KCNJ3: variants seen among roughly 807,000 people sequenced by gnomAD.
KCNJ3 encodes the protein potassium inwardly rectifying channel subfamily J member 3, also known as G protein-activated inward rectifier potassium channel 1.
KCNJ3 carries 4 observed loss-of-function variants against 39.2 expected under a neutral mutation model. The ratio of observed to expected loss-of-function variants is 0.10; its 90% CI spans 0.05 to 0.23. The LOEUF (loss-of-function observed/expected upper bound fraction) is 0.23, where lower values mean the gene tolerates loss of function less well. Ranked by LOEUF, KCNJ3 falls within the 10% of genes least tolerant of loss-of-function variation. KCNJ3 has a pLI of 1.00. For synonymous variants in KCNJ3, 230 were observed against 237.4 expected (o/e 0.97, Z 0.29); for missense variants, 276 against 634.9 (o/e 0.43, Z 6.08).
intron 1 of KCNJ3, chr2:154,709,345 G>T: frequency 2.0e-6 from 1 of 488,574 alleles, no homozygotes; most frequent in South Asian, 2.3e-5. Context: ...GTTGGACCAG[G>T]CATTTCTCCA....
At chr2:154,828,947 T>C (rs1205546451) in intron 2 of KCNJ3, among the ~76,000 whole-genome samples, 1 of 152,176 alleles carries the variant, frequency 6.6e-6, no homozygotes, top group Non-Finnish European at 1.5e-5. Context: ...ATATAACTGA[T>C]TTTATATAAT....
At chr2:154,833,028 A>ATTGT (rs1687389303) in intron 2 of KCNJ3, among the ~76,000 whole-genome samples, 1 of 152,224 alleles carries the variant, frequency 6.6e-6, no homozygotes, top group Non-Finnish European at 1.5e-5. Context: ...CCTTAAAGGC[A>ATTGT]TTGTTTTTAA....
chr2:154,753,078 G>A (rs946173346), intron 2 of KCNJ3, among the ~76,000 whole-genome samples: 4 of 151,966 alleles, frequency 2.6e-5, no homozygotes, highest in Non-Finnish European at 4.4e-5. Flanking sequence ...CTCTCTTATC[G>A]GATAAGAATT....
intron 2 of KCNJ3, among the ~76,000 whole-genome samples, chr2:154,761,275 C>T (rs1558867169): frequency 6.6e-6 from 1 of 151,966 alleles, no homozygotes; most frequent in Non-Finnish European, 1.5e-5. Flanking sequence ...CCAAGTCTAC[C>T]TTCACAAGTT....
At chr2:154,798,878 G>A (rs1188222154) in intron 2 of KCNJ3, among the ~76,000 whole-genome samples, 1 of 151,884 alleles carries the variant, frequency 6.6e-6, no homozygotes, top group Non-Finnish European at 1.5e-5. Context: ...TGACTGTTAT[G>A]AATAGTACTG....
intron 2 of KCNJ3, among the ~76,000 whole-genome samples, chr2:154,761,715 C>T (rs998595633): frequency 3.9e-5 from 6 of 152,068 alleles, no homozygotes; most frequent in African/African-American, 1.4e-4. Flanking sequence ...ATATGTGAAT[C>T]CCTTTTTTAA....
At chr2:154,817,200 AC>A (rs1475690647) in intron 2 of KCNJ3, among the ~76,000 whole-genome samples, 1 of 152,138 alleles carries the variant, frequency 6.6e-6, no homozygotes, top group Non-Finnish European at 1.5e-5. Flanking sequence ...TCCAATAATA[AC>A]CTGTAGTCTG....
At chr2:154,785,006 TGAG>T (rs1478129492) in intron 2 of KCNJ3, among the ~76,000 whole-genome samples, 1 of 152,164 alleles carries the variant, frequency 6.6e-6, no homozygotes, top group African/African-American at 2.4e-5. Context: ...GATAGCAGTG[TGAG>T]GAGAAGAGGG....
At chr2:154,826,723 A>G (rs1375352550) in intron 2 of KCNJ3, among the ~76,000 whole-genome samples, 1 of 152,048 alleles carries the variant, frequency 6.6e-6, no homozygotes, top group Non-Finnish European at 1.5e-5. Flanking sequence ...GTTACAAAAT[A>G]CCCCACAATG....
chr2:154,761,223 A>AACAGAAGAAGT, intron 2 of KCNJ3, among the ~76,000 whole-genome samples: 1 of 152,000 alleles, frequency 6.6e-6, no homozygotes, highest in East Asian at 1.9e-4. Context: ...AGTTGACTTT[A>AACAGAAGAAGT]ACAGAAGAAG....
At chr2:154,813,956 T>C (rs566980563) in intron 2 of KCNJ3, among the ~76,000 whole-genome samples, 1 of 152,296 alleles carries the variant, frequency 6.6e-6, no homozygotes, top group South Asian at 2.1e-4. Context: ...AGTCACAAGT[T>C]GTAGCCTTTA....
chr2:154,756,375 G>A (rs544138008), intron 2 of KCNJ3, among the ~76,000 whole-genome samples: 1 of 152,222 alleles, frequency 6.6e-6, no homozygotes, highest in South Asian at 2.1e-4. Flanking sequence ...GCCTAATTGT[G>A]ACTCATGTTT....
intron 2 of KCNJ3, among the ~76,000 whole-genome samples, chr2:154,759,656 C>G (rs1418107036): frequency 6.6e-6 from 1 of 151,990 alleles, no homozygotes; most frequent in South Asian, 2.1e-4. Flanking sequence ...TCTTACTTCT[C>G]CCAAGGAAAT....
rs545540309 is a variant in KCNJ3 at position 154,858,282 on chromosome 2, G to C, written c.*2969G>C. On this transcript the variant is annotated 3_prime_UTR_variant, in exon 3 of 3. Transcript: ENST00000295101. ...AATGTCTTGGTTTGGATGATATATG[G>C]TGAAGTTTTTGTTGAAACTAAATTA... 2 of 152,246 alleles carry C rather than the reference G, an allele frequency of 1.3e-5. No homozygotes were observed. The highest frequency in any genetic ancestry group is 2.1e-4 in the South Asian group (1 of 4,822). The allele number at this position is 152,246 out of a possible 1,614,324, so 9.4% of individuals were successfully genotyped here.
At chr2:154,716,276 A>ATT (rs535989708) in intron 2 of KCNJ3, among the ~76,000 whole-genome samples, 5,332 of 115,218 alleles carry the variant, frequency 0.046, 163 homozygotes, top group African/African-American at 0.073. Context: ...CGGCCGGCTA[A>ATT]TTTTTTTTTT....
intron 2 of KCNJ3, among the ~76,000 whole-genome samples, chr2:154,712,076 C>T (rs1685109902): frequency 6.6e-6 from 1 of 152,124 alleles, no homozygotes; most frequent in African/African-American, 2.4e-5. Flanking sequence ...AAACATTACT[C>T]ATAATTTATA....
At chr2:154,845,893 C>T (rs768772513) in intron 2 of KCNJ3, among the ~76,000 whole-genome samples, 18 of 146,300 alleles carry the variant, frequency 1.2e-4, no homozygotes, top group Non-Finnish European at 2.7e-4. Flanking sequence ...TCACTTGAAC[C>T]TGGGAGGTGG....
intron 2 of KCNJ3, among the ~76,000 whole-genome samples, chr2:154,767,843 C>G (rs1034524143): frequency 5.3e-5 from 8 of 152,232 alleles, no homozygotes; most frequent in African/African-American, 1.7e-4. Flanking sequence ...TCCTCTCTAA[C>G]ACCTGTTGTT....
chr2:154,785,602 A>T (rs1282809322), intron 2 of KCNJ3, among the ~76,000 whole-genome samples: 1 of 152,134 alleles, frequency 6.6e-6, no homozygotes, highest in Non-Finnish European at 1.5e-5. Flanking sequence ...ACACCATGTG[A>T]TGCCTTTTGC....
Sources: allele counts gnomAD v4.1 joint callset (sites outside exome capture counted in the v4.1 genomes callset), GRCh38; gene constraint gnomAD v4.1.1; transcripts MANE v1.5; gene names NCBI Gene and HGNC (gene_info 2026-07-23, HGNC 2026-07-21).